Variants in SHISA6 observed in about 807,000 individuals in gnomAD.
SHISA6 encodes shisa family member 6.
A neutral mutation model predicts 47.9 loss-of-function variants in SHISA6; 22 were observed. The observed-to-expected ratio is 0.46, with a 90% CI of 0.33 to 0.66. SHISA6 has a LOEUF of 0.66. Among genes scored for constraint, SHISA6 ranks in the 30% least tolerant of loss-of-function variants. SHISA6 has a pLI of 0.02. For missense variants in SHISA6, 680 were observed against 764.6 expected, an observed-to-expected ratio of 0.89 and a Z score of 1.30; for synonymous variants, 388 against 337.8, an observed-to-expected ratio of 1.15 and a Z score of -1.63.
intron 2 of SHISA6, among the ~76,000 whole-genome samples, chr17:11,307,703 A>G (rs1407776247): frequency 6.6e-6 from 1 of 152,218 alleles, no homozygotes; most frequent in Non-Finnish European, 1.5e-5. Flanking sequence ...CTGTTTGCAT[A>G]AAGTCTATGC....
chr17:11,532,840 C>T (rs954348445), intron 3 of SHISA6, among the ~76,000 whole-genome samples: 2 of 151,084 alleles, frequency 1.3e-5, no homozygotes, highest in African/African-American at 4.9e-5. Context: ...TCCAGGGTCT[C>T]CCTGAGGATT....
intron 2 of SHISA6, among the ~76,000 whole-genome samples, chr17:11,329,943 G>A (rs1911038098): frequency 7.4e-6 from 1 of 135,858 alleles, no homozygotes; most frequent in Admixed American, 7.6e-5. Context: ...CTCTCTATTT[G>A]CCTTAATTTC....
chr17:11,276,843 G>C (rs535256467), intron 2 of SHISA6, among the ~76,000 whole-genome samples: 1 of 152,216 alleles, frequency 6.6e-6, no homozygotes, highest in South Asian at 2.1e-4. Context: ...GACTTCAATA[G>C]GTATCTTCTC....
chr17:11,511,583 A>AAATG (rs1007471002), intron 3 of SHISA6, among the ~76,000 whole-genome samples: 2 of 151,702 alleles, frequency 1.3e-5, no homozygotes, highest in Middle Eastern at 3.2e-3. Flanking sequence ...CCCCCCAAAA[A>AAATG]AATGCCTGGT....
chr17:11,477,565 C>G (rs1916084687), intron 3 of SHISA6, among the ~76,000 whole-genome samples: 1 of 116,996 alleles, frequency 8.5e-6, no homozygotes, highest in African/African-American at 3.2e-5. Context: ...GCTATCCCTC[C>G]CCCCTCCCCC....
intron 3 of SHISA6, among the ~76,000 whole-genome samples, chr17:11,538,494 G>A (rs2071806091): frequency 6.6e-6 from 1 of 152,190 alleles, no homozygotes; most frequent in Admixed American, 6.5e-5. Flanking sequence ...AAGGAAACCA[G>A]TCCGTGTGAG....
chr17:11,245,762 T>G (rs1907557685), intron 1 of SHISA6, among the ~76,000 whole-genome samples: 2 of 146,866 alleles, frequency 1.4e-5, no homozygotes, highest in African/African-American at 5.1e-5. Flanking sequence ...GGGGGGTGGA[T>G]ATCTAGGTGG....
At chr17:11,348,040 A>G (rs1375684388) in intron 2 of SHISA6, among the ~76,000 whole-genome samples, 1 of 152,220 alleles carries the variant, frequency 6.6e-6, no homozygotes, top group African/African-American at 2.4e-5. Flanking sequence ...GCAAAATTCT[A>G]TTTTGTTTAC....
At chr17:11,275,570 A>G (rs192060439) in intron 2 of SHISA6, among the ~76,000 whole-genome samples, 1 of 152,320 alleles carries the variant, frequency 6.6e-6, no homozygotes, top group African/African-American at 2.4e-5. Flanking sequence ...ACGGACATAT[A>G]CTTGAAATCA....
At chr17:11,400,405 T>G (rs563866553) in intron 3 of SHISA6, among the ~76,000 whole-genome samples, 1 of 152,348 alleles carries the variant, frequency 6.6e-6, no homozygotes, top group South Asian at 2.1e-4. Context: ...TGAACATAAC[T>G]TCTGCTTCAT....
chr17:11,350,711 AT>A (rs535085690), intron 2 of SHISA6, among the ~76,000 whole-genome samples: 169 of 152,094 alleles, frequency 1.1e-3, no homozygotes, highest in African/African-American at 3.8e-3. Flanking sequence ...TGATCAGAGC[AT>A]TTTTTCTAGT....
At chr17:11,287,047 T>G (rs541530403) in intron 2 of SHISA6, among the ~76,000 whole-genome samples, 3 of 152,352 alleles carry the variant, frequency 2.0e-5, no homozygotes, top group African/African-American at 7.2e-5. Flanking sequence ...TTAACAATTT[T>G]TATTACTCAA....
intron 4 of SHISA6, among the ~76,000 whole-genome samples, chr17:11,554,407 G>T (rs1191689890): frequency 2.6e-5 from 4 of 152,122 alleles, no homozygotes. Context: ...AGGCAGGAAG[G>T]GGTAGAAAAG....
Position 11,395,693 on chromosome 17 carries a change from T to G in SHISA6, c.895+16184T>G, listed in dbSNP as rs527605731. Among the ~76,000 whole-genome samples, 39 of 151,910 alleles carry G rather than the reference T, an allele frequency of 2.6e-4. No individual in the cohort carries two copies. The East Asian group carries it at 6.2e-3, about 24-fold the overall frequency. On this transcript the variant is annotated intron_variant, in intron 3 of 5. Transcript: ENST00000441885. Reference sequence around the variant, plus strand: ...CCACCACGCCCAGCTAATTTTTGTATTTATAGTAGAGACAGGGTTTCACCA... The same window carrying G: ...CCACCACGCCCAGCTAATTTTTGTAGTTATAGTAGAGACAGGGTTTCACCA...
chr17:11,488,202 G>A (rs1328082662), intron 3 of SHISA6, among the ~76,000 whole-genome samples: 2 of 152,028 alleles, frequency 1.3e-5, no homozygotes, highest in Admixed American at 6.6e-5. Flanking sequence ...TAGTGTCTGC[G>A]AATTGGCCCT....
chr17:11,520,594 T>C (rs1364509611), intron 3 of SHISA6, among the ~76,000 whole-genome samples: 1 of 152,132 alleles, frequency 6.6e-6, no homozygotes, highest in Non-Finnish European at 1.5e-5. Context: ...GCAACTATGC[T>C]TATGCTCAGC....
At chr17:11,379,111 T>C (rs1338981387) in intron 2 of SHISA6, among the ~76,000 whole-genome samples, 1 of 148,796 alleles carries the variant, frequency 6.7e-6, no homozygotes, top group Non-Finnish European at 1.5e-5. Context: ...TATGTGTGTA[T>C]ATATACTAAT....
At chr17:11,420,787 T>TC (rs1914430808) in intron 3 of SHISA6, among the ~76,000 whole-genome samples, 1 of 152,104 alleles carries the variant, frequency 6.6e-6, no homozygotes, top group African/African-American at 2.4e-5. Flanking sequence ...AGATTCAAAG[T>TC]CCCCGGGGGA....
At chr17:11,258,831 T>A (rs924585673) in intron 1 of SHISA6, among the ~76,000 whole-genome samples, 2 of 152,240 alleles carry the variant, frequency 1.3e-5, no homozygotes, top group African/African-American at 2.4e-5. Context: ...TTCTTAGGTC[T>A]GGGTAGGTCT....
Sources: gnomAD v4.1 joint callset for allele counts (sites outside exome capture counted in the v4.1 genomes callset) on GRCh38, gnomAD v4.1.1 for gene constraint, MANE v1.5 for transcripts, NCBI Gene and HGNC (gene_info 2026-07-23, HGNC 2026-07-21) for gene names.